PCLO: variants seen among roughly 807,000 people sequenced by gnomAD.
The protein encoded by PCLO is protein piccolo.
PCLO carries 82 observed loss-of-function variants against 427.5 expected under a neutral mutation model. The ratio of observed to expected loss-of-function variants is 0.19; its 90% confidence interval spans 0.16 to 0.23. The LOEUF (loss-of-function observed/expected upper bound fraction) is 0.23. Ranked by LOEUF, PCLO falls within the 10% of genes least tolerant of loss-of-function variation. The probability of loss-of-function intolerance (pLI) is 1.00; values close to 1 mark genes in which losing one functional copy is unlikely to be tolerated. For synonymous variants in PCLO, 2,357 were observed against 2,155.4 expected (o/e 1.09, Z -2.59); for missense variants, 6,239 against 6,115.9 (o/e 1.02, Z -0.67).
intron 14 of PCLO, among the ~76,000 whole-genome samples, chr7:82,839,591 T>C (rs1792314640): frequency 6.6e-6 from 1 of 152,074 alleles, no homozygotes; most frequent in Admixed American, 6.6e-5. Flanking sequence ...TTCAAACAAC[T>C]TCCTGATCTT....
chr7:83,064,958 G>A (rs1789629804), intron 3 of PCLO, among the ~76,000 whole-genome samples: 1 of 151,606 alleles, frequency 6.6e-6, no homozygotes, highest in Non-Finnish European at 1.5e-5. Flanking sequence ...GAATACTATT[G>A]CCTTGCCCTT....
chr7:83,039,687 T>A (rs1275099108), intron 3 of PCLO, among the ~76,000 whole-genome samples: 1 of 152,142 alleles, frequency 6.6e-6, no homozygotes, highest in African/African-American at 2.4e-5. Context: ...GGGCCCCTTG[T>A]AATTCCATAT....
At chr7:82,932,350 T>A (rs1484549571) in intron 6 of PCLO, among the ~76,000 whole-genome samples, 14 of 152,118 alleles carry the variant, frequency 9.2e-5, no homozygotes, top group Non-Finnish European at 1.5e-5. Flanking sequence ...TTTGTTGTGG[T>A]AAATCTGAAC....
At position 82,916,328 on chromosome 7, in the gene PCLO, T is replaced by C. The variant is rs1308389683; in HGVS notation, c.11658A>G (p.Thr3886=). 1 of 1,613,664 alleles carries C rather than the reference T, an allele frequency of 6.2e-7. No homozygotes were observed. ...SQLVPPTSPY[T]QYQYSSPALP... ...GAGCAGGGGAAGAGTACTGGTATTG[T>C]GTGTAAGGACTTGTCGGAGGAACTA... Residue 3886 remains threonine, a synonymous_variant, in exon 7 of 25, where the codon ACA becomes ACG. Coordinates refer to ENST00000333891, the MANE Select transcript of PCLO (RefSeq NM_033026.6).
chr7:82,908,736 C>T, intron 8 of PCLO, 141 bp downstream of exon 8: 1 of 707,250 alleles, frequency 1.4e-6, no homozygotes, highest in Non-Finnish European at 2.3e-6. Context: ...AGCTGTGTTA[C>T]TCCTTTATGT....
chr7:82,994,529 C>T (rs1397764632), intron 3 of PCLO, among the ~76,000 whole-genome samples: 2 of 151,688 alleles, frequency 1.3e-5, no homozygotes, highest in Non-Finnish European at 2.9e-5. Flanking sequence ...AGTTAAGAGA[C>T]CATCAAACAG....
At chr7:82,945,469 CT>C (rs1489734259) in intron 6 of PCLO, among the ~76,000 whole-genome samples, 4 of 152,132 alleles carry the variant, frequency 2.6e-5, no homozygotes, top group African/African-American at 9.7e-5. Context: ...AACATAGGGT[CT>C]TTACAGAGGT....
intron 3 of PCLO, among the ~76,000 whole-genome samples, chr7:83,016,593 G>A (rs1033951549): frequency 6.6e-6 from 1 of 152,198 alleles, no homozygotes; most frequent in Non-Finnish European, 1.5e-5. Context: ...TAGAGATGAC[G>A]TTTCAGAAAT....
At chr7:82,940,921 C>T (rs1366518854) in intron 6 of PCLO, among the ~76,000 whole-genome samples, 1 of 151,436 alleles carries the variant, frequency 6.6e-6, no homozygotes, top group East Asian at 1.9e-4. Flanking sequence ...TGCCACCACG[C>T]CCGGCTAATT....
chr7:82,837,149 T>G (rs1399575609), intron 15 of PCLO, among the ~76,000 whole-genome samples: 1 of 152,110 alleles, frequency 6.6e-6, no homozygotes, highest in African/African-American at 2.4e-5. Flanking sequence ...TTCAGAAATA[T>G]ATACTAAAAT....
intron 10 of PCLO, among the ~76,000 whole-genome samples, chr7:82,853,053 A>C (rs1161151294): frequency 1.3e-5 from 2 of 152,098 alleles, no homozygotes; most frequent in Non-Finnish European, 2.9e-5. Flanking sequence ...ATGAGATCTC[A>C]TTCCTTTTTA....
chr7:82,808,879 A>G (rs895242500), intron 20 of PCLO, among the ~76,000 whole-genome samples: 5 of 151,946 alleles, frequency 3.3e-5, no homozygotes, highest in African/African-American at 1.2e-4. Context: ...CTGAAAAATG[A>G]ATTAAATTAA....
intron 17 of PCLO, among the ~76,000 whole-genome samples, chr7:82,827,265 G>C (rs752176787): frequency 6.6e-6 from 1 of 152,014 alleles, no homozygotes; most frequent in East Asian, 1.9e-4. Context: ...ATACATTTCA[G>C]TTATTGTCTG....
chr7:82,969,895 A>G (rs1795863112), intron 3 of PCLO, among the ~76,000 whole-genome samples: 2 of 152,132 alleles, frequency 1.3e-5, no homozygotes, highest in South Asian at 4.1e-4. Context: ...CTTAAAATAG[A>G]TATGTTAATA....
Position 83,155,183 on chromosome 7 carries a change from T to C in PCLO, c.1458A>G (p.Pro486=). The part of the protein sequence containing the change: ...PAKPPPQQPG[P]AKPPPQQPGS... ...CAGGCTGTTGAGGTGGGGGCTTTGC[T>C]GGGCCAGGCTGTTGAGGTGGGGGCT... is the stretch of plus-strand genomic sequence containing the variant. The change falls in exon 2 of 25, where the codon CCA becomes CCG. Residue 486 remains proline, a synonymous_variant. Coordinates refer to ENST00000333891, the MANE Select transcript of PCLO (RefSeq NM_033026.6). The C allele has an allele frequency of 6.2e-7, 1 of 1,601,188 alleles. No individual in the cohort carries two copies. Among genetic ancestry groups the C allele is most frequent in the Non-Finnish European group, 8.5e-7 (1 of 1,177,936 alleles).
intron 2 of PCLO, among the ~76,000 whole-genome samples, chr7:83,153,482 T>C (rs1209691595): frequency 6.6e-6 from 1 of 152,200 alleles, no homozygotes; most frequent in East Asian, 1.9e-4. Context: ...ATTGTTATTA[T>C]CATGATAGAT....
At position 82,757,291 on chromosome 7, in the gene PCLO, G is replaced by T. The variant is rs1008772342; in HGVS notation, c.*1284C>A. 2 of 151,744 alleles carry T rather than the reference G, an allele frequency of 1.3e-5. No individual in the cohort carries two copies. The highest frequency in any genetic ancestry group is 2.9e-5 in the Non-Finnish European group (2 of 67,854). The allele number at this position is 151,744 out of a possible 1,614,324, so 9.4% of individuals were successfully genotyped here. On this transcript the variant is annotated 3_prime_UTR_variant, in exon 25 of 25. Coordinates refer to ENST00000333891, the MANE Select transcript of PCLO (RefSeq NM_033026.6). ...AAGAGGGTGCTTCATTTTAAGACTT[G>T]GACATTAGTTGTTTTATTCATTATT...
chr7:83,130,112 G>A (rs1280910810), intron 3 of PCLO, among the ~76,000 whole-genome samples: 1 of 150,808 alleles, frequency 6.6e-6, no homozygotes, highest in Admixed American at 6.6e-5. Context: ...TTTAATTAAT[G>A]TAGATGTCCA....
intron 3 of PCLO, 132 bp downstream of exon 3, chr7:83,134,118 A>G: frequency 3.4e-6 from 1 of 292,822 alleles, no homozygotes; most frequent in Non-Finnish European, 5.9e-6. Flanking sequence ...GAAACTTCTA[A>G]GATTATCAAT....
Sources: allele counts gnomAD v4.1 joint callset (sites outside exome capture counted in the v4.1 genomes callset), GRCh38; gene constraint gnomAD v4.1.1; transcripts MANE v1.5; gene names NCBI Gene and HGNC (gene_info 2026-07-23, HGNC 2026-07-21).